ZBTB16: variants seen among roughly 807,000 people sequenced by gnomAD.
The protein encoded by ZBTB16 is zinc finger and BTB domain containing 16, also known as zinc finger and BTB domain-containing protein 16.
A neutral mutation model predicts 56.8 loss-of-function variants in ZBTB16; 8 were observed. The observed-to-expected ratio is 0.14, with a 90% CI of 0.08 to 0.25. The LOEUF is 0.25. ZBTB16 is among the 10% of genes least tolerant of loss of function. ZBTB16 has a pLI of 1.00. For missense variants in ZBTB16, 625 were observed against 903.0 expected, an observed-to-expected ratio of 0.69 and a Z score of 3.95; for synonymous variants, 363 against 368.5, an observed-to-expected ratio of 0.98 and a Z score of 0.17.
At chr11:114,117,901 G>A (rs945571627) in intron 2 of ZBTB16, among the ~76,000 whole-genome samples, 2 of 152,188 alleles carry the variant, frequency 1.3e-5, no homozygotes, top group Non-Finnish European at 2.9e-5. Context: ...TCATTCATGT[G>A]TGTGCTGACA....
At chr11:114,150,907 A>T (rs1001393380) in intron 2 of ZBTB16, among the ~76,000 whole-genome samples, 4 of 152,220 alleles carry the variant, frequency 2.6e-5, no homozygotes, top group African/African-American at 9.6e-5. Context: ...CCAAGGCTGC[A>T]TGTCAGCACC....
At chr11:114,212,886 C>T (rs79595374) in intron 4 of ZBTB16, among the ~76,000 whole-genome samples, 1,758 of 152,146 alleles carry the variant, frequency 0.012, 32 homozygotes, top group African/African-American at 0.04. Context: ...TAAAAATCTG[C>T]AGAGGAAGTC....
chr11:114,068,311 A>G (rs1591635632), intron 2 of ZBTB16, among the ~76,000 whole-genome samples: 3 of 152,068 alleles, frequency 2.0e-5, no homozygotes, highest in African/African-American at 7.2e-5. Context: ...GAAGGCAGGG[A>G]GTTTATTATG....
At position 114,242,333 on chromosome 11, in the gene ZBTB16, T is replaced by C; in HGVS notation, c.1620T>C (p.His540=). 6.2e-7 allele frequency: 1 copy of C among 1,613,440 alleles called. No individual in the cohort carries two copies. The highest frequency in any genetic ancestry group is 8.5e-7 in the Non-Finnish European group (1 of 1,180,024). The change falls in exon 5 of 7, where the codon CAT becomes CAC. Residue 540 remains histidine, a synonymous_variant. Transcript: ENST00000335953. ...HTALKRHLRS[H]TGDHPYECEF... ...CTCTCAAACGCCACCTGCGCTCACA[T>C]ACAGGTAGGTCAGTCCAGCTGATGG...
rs1257026641 is a variant in ZBTB16, at chr11:114,063,471, G to A, written c.171G>A (p.Lys57=). ...AHRTVLACTS[K]MFEILFHRNS... ...GGACGGTGCTGGCCTGCACCAGCAAGATGTTTGAGATCCTCTTCCACCGCA... is the reference window on the plus strand; with the variant it reads ...GGACGGTGCTGGCCTGCACCAGCAAAATGTTTGAGATCCTCTTCCACCGCA... The change falls in exon 2 of 7, where the codon AAG becomes AAA. Residue 57 remains lysine (K), a synonymous_variant. Coordinates refer to ENST00000335953, the MANE Select transcript of ZBTB16 (RefSeq NM_006006.6). The surrounding 1 kb of genome is among the most constrained non-coding windows in gnomAD (Gnocchi z 6.5). The A allele has an allele frequency of 6.2e-7, 1 of 1,614,214 alleles. No individual in the cohort carries two copies. The highest frequency in any genetic ancestry group is 1.7e-5 in the Admixed American group (1 of 60,030).
intron 4 of ZBTB16, among the ~76,000 whole-genome samples, chr11:114,194,477 C>T (rs570685157): frequency 6.6e-6 from 1 of 152,296 alleles, no homozygotes; most frequent in South Asian, 2.1e-4. Context: ...TTGGGCTGGG[C>T]TCAGGCTTTG....
In ZBTB16 at chr11:114,241,705, A is replaced by G. The variant is rs149155456; in HGVS notation, c.1454-462A>G. On this transcript the variant is annotated intron_variant, in intron 4 of 6. Transcript: ENST00000335953. ...TCCTTGTCTAAGGGATGAGGATAACAGAGGCTAGCTTTTTGAGTTTTGGAT... is the reference window on the plus strand; with the variant it reads ...TCCTTGTCTAAGGGATGAGGATAACGGAGGCTAGCTTTTTGAGTTTTGGAT... Among the ~76,000 whole-genome samples, 977 of 152,304 alleles carry G rather than the reference A, an allele frequency of 6.4e-3. 6 individuals are homozygous for G. Among genetic ancestry groups the G allele is most frequent in the African/African-American group, 0.022 (925 of 41,562 alleles).
intron 4 of ZBTB16, among the ~76,000 whole-genome samples, chr11:114,194,663 A>G (rs896089780): frequency 1.3e-5 from 2 of 152,254 alleles, no homozygotes; most frequent in African/African-American, 4.8e-5. Flanking sequence ...AGATGCTTGT[A>G]CTTCATTTAC....
chr11:114,144,660 C>G (rs1161610828), intron 2 of ZBTB16, among the ~76,000 whole-genome samples: 2 of 152,240 alleles, frequency 1.3e-5, no homozygotes, highest in Non-Finnish European at 2.9e-5. Flanking sequence ...CAGCAGGTTC[C>G]AGCACCGTGG....
intron 4 of ZBTB16, among the ~76,000 whole-genome samples, chr11:114,201,820 T>G (rs1186786750): frequency 6.6e-6 from 1 of 152,228 alleles, no homozygotes; most frequent in African/African-American, 2.4e-5. Flanking sequence ...TACTTTCTGC[T>G]TTATCTATTT....
intron 2 of ZBTB16, among the ~76,000 whole-genome samples, chr11:114,082,143 A>G (rs1049161165): frequency 6.7e-6 from 1 of 150,186 alleles, no homozygotes; most frequent in East Asian, 1.9e-4. Flanking sequence ...TTAAAAATGC[A>G]GCTGTGCATG....
At chr11:114,151,887 G>A (rs1255487418) in intron 2 of ZBTB16, among the ~76,000 whole-genome samples, 2 of 152,234 alleles carry the variant, frequency 1.3e-5, no homozygotes, top group Non-Finnish European at 2.9e-5. Context: ...GGAAGCTGAA[G>A]GTAGGGAGGA....
At chr11:114,181,395 G>A (rs1020892637) in intron 3 of ZBTB16, among the ~76,000 whole-genome samples, 4 of 152,206 alleles carry the variant, frequency 2.6e-5, no homozygotes, top group Admixed American at 6.5e-5. Flanking sequence ...CACAGCTGGC[G>A]ACTAGCTTGC....
At chr11:114,220,911 A>G (rs998843152) in intron 4 of ZBTB16, among the ~76,000 whole-genome samples, 1 of 152,208 alleles carries the variant, frequency 6.6e-6, no homozygotes, top group Non-Finnish European at 1.5e-5. Flanking sequence ...GTGGCTTTGA[A>G]GCAGGACTTT....
intron 4 of ZBTB16, among the ~76,000 whole-genome samples, chr11:114,191,552 C>G (rs1943493501): frequency 6.6e-6 from 1 of 152,178 alleles, no homozygotes; most frequent in African/African-American, 2.4e-5. Context: ...AGAGCTGGAA[C>G]TTGACCCAAC....
chr11:114,141,764 C>T (rs1055331013), intron 2 of ZBTB16, among the ~76,000 whole-genome samples: 2 of 152,154 alleles, frequency 1.3e-5, no homozygotes, highest in Non-Finnish European at 2.9e-5. Flanking sequence ...ACAAGCTTAA[C>T]GACCCTGGGT....
intron 2 of ZBTB16, among the ~76,000 whole-genome samples, chr11:114,095,118 T>C (rs1279765154): frequency 6.6e-6 from 1 of 152,112 alleles, no homozygotes; most frequent in Non-Finnish European, 1.5e-5. Flanking sequence ...CACAAAGATG[T>C]AGGAGTGGTG....
intron 6 of ZBTB16, among the ~76,000 whole-genome samples, chr11:114,248,267 G>A (rs931212303): frequency 6.6e-6 from 1 of 152,226 alleles, no homozygotes; most frequent in Non-Finnish European, 1.5e-5. Flanking sequence ...GACAAAACAA[G>A]TGAAGGGTCT....
intron 4 of ZBTB16, among the ~76,000 whole-genome samples, chr11:114,190,967 G>A (rs1943478500): frequency 6.6e-6 from 1 of 152,202 alleles, no homozygotes; most frequent in African/African-American, 2.4e-5. Flanking sequence ...TACAATCATG[G>A]TGGAAGGCAA....
Sources: gnomAD v4.1 joint callset for allele counts (sites outside exome capture counted in the v4.1 genomes callset) on GRCh38, gnomAD v4.1.1 for gene constraint, Gnocchi (gnomAD v3.1) non-coding constraint, MANE v1.5 for transcripts, NCBI Gene and HGNC (gene_info 2026-07-23, HGNC 2026-07-21) for gene names.